The following PLD1 variants were observed in gnomAD, a reference collection of about 807,000 sequenced individuals.
The protein encoded by PLD1 is choline phosphatase 1.
A neutral mutation model predicts 137.1 loss-of-function variants in PLD1; 112 were observed. The observed-to-expected ratio is 0.82, with a 90% CI of 0.70 to 0.96. The LOEUF (loss-of-function observed/expected upper bound fraction) is 0.96, where lower values mean the gene tolerates loss of function less well. PLD1 is among the 40% of genes least tolerant of loss of function. The pLI, the probability that PLD1 is intolerant of heterozygous loss-of-function variation, is 0.00. For missense variants in PLD1, 1,321 were observed against 1,342.0 expected (o/e 0.98, Z 0.24); for synonymous variants, 431 against 454.7 (o/e 0.95, Z 0.66).
chr3:171,807,387 A>C (rs1723893728), intron 1 of PLD1, among the ~76,000 whole-genome samples: 1 of 152,200 alleles, frequency 6.6e-6, no homozygotes, highest in Non-Finnish European at 1.5e-5. Flanking sequence ...CAACACAACC[A>C]TTATCATTAA....
At position 171,686,753 on chromosome 3, in the gene PLD1, A is replaced by G; in HGVS notation, c.1799T>C (p.Leu600Ser). 1 of 1,608,038 alleles carries G rather than the reference A, an allele frequency of 6.2e-7. No individual in the cohort carries two copies. The highest frequency in any genetic ancestry group is 1.3e-5 in the African/African-American group (1 of 74,954). ...GTGAAAGAGTTTGAAGTGGGGTTTT[A>G]AACCATGGATTAAATTGTGATGACT... ...YRSHHNLIHGLKPHFKLFHPS... is the reference protein window; with the variant it reads ...YRSHHNLIHGSKPHFKLFHPS... The change falls in exon 16 of 27, where the codon TTA becomes TCA. Residue 600 changes from leucine (L) to serine (S), a missense_variant. By Grantham distance (145) the Leu-to-Ser change is moderately radical. Coordinates refer to ENST00000351298, the MANE Select transcript of PLD1 (RefSeq NM_002662.5).
chr3:171,666,714 C>A (rs142458773), intron 19 of PLD1, among the ~76,000 whole-genome samples: 41 of 152,304 alleles, frequency 2.7e-4, no homozygotes, highest in African/African-American at 9.6e-4. Flanking sequence ...CCCTCACATG[C>A]AAAAATATAG....
intron 23 of PLD1, among the ~76,000 whole-genome samples, chr3:171,633,350 T>C (rs567573205): frequency 5.3e-4 from 80 of 152,160 alleles, no homozygotes; most frequent in Middle Eastern, 3.4e-3. Flanking sequence ...TGTGAAGAAA[T>C]AGATGAACAA....
At chr3:171,703,172 TTAGAAA>T (rs2108549178) in intron 11 of PLD1, among the ~76,000 whole-genome samples, 1 of 152,168 alleles carries the variant, frequency 6.6e-6, no homozygotes, top group African/African-American at 2.4e-5. Context: ...TCCCAACAAA[TTAGAAA>T]TAGAAAAAAA....
At chr3:171,751,370 T>TACAC (rs75408496) in intron 1 of PLD1, among the ~76,000 whole-genome samples, 1 of 151,560 alleles carries the variant, frequency 6.6e-6, no homozygotes, top group Admixed American at 6.6e-5. Flanking sequence ...ATGGGAAAAT[T>TACAC]ACACACACAC....
chr3:171,707,254 A>G (rs1716767198), intron 11 of PLD1, among the ~76,000 whole-genome samples: 1 of 152,206 alleles, frequency 6.6e-6, no homozygotes, highest in African/African-American at 2.4e-5. Context: ...ACAAATTCCC[A>G]TGCTACAAGT....
At chr3:171,617,025 AT>A (rs1418836894) in intron 24 of PLD1, among the ~76,000 whole-genome samples, 1 of 152,160 alleles carries the variant, frequency 6.6e-6, no homozygotes, top group Non-Finnish European at 1.5e-5. Flanking sequence ...ACATATGAGC[AT>A]TACCTAGGAA....
At position 171,687,577 on chromosome 3, in the gene PLD1, G is replaced by T. The variant is rs749004541; in HGVS notation, c.1547C>A (p.Ala516Glu). The change falls in exon 15 of 27, where the codon GCA becomes GAA. Residue 516 changes from alanine (A) to glutamate (E), a missense_variant. By Grantham distance (107) the Ala-to-Glu change is moderately radical (BLOSUM62 -1). Coordinates refer to ENST00000351298, the MANE Select transcript of PLD1 (RefSeq NM_002662.5). The stretch of plus-strand genomic sequence containing the variant: ...TCTTAAGGATTCCATAGACTCCATT[G>T]CGGCAGGCTGAGAAAAATTTTTTTT... ...GPSLGSLPPA[A>E]MESMESLRLK... 6.2e-7 allele frequency: 1 copy of T among 1,609,022 alleles called. No individual in the cohort carries two copies. Among genetic ancestry groups the T allele is most frequent in the Non-Finnish European group, 8.5e-7 (1 of 1,178,294 alleles).
intron 24 of PLD1, among the ~76,000 whole-genome samples, chr3:171,615,621 A>G (rs920439943): frequency 1.3e-5 from 2 of 152,250 alleles, no homozygotes; most frequent in South Asian, 2.1e-4. Flanking sequence ...TTTAATTTAT[A>G]TAAGTGGAAT....
At chr3:171,622,986 C>T (rs1733765172) in intron 23 of PLD1, among the ~76,000 whole-genome samples, 1 of 151,772 alleles carries the variant, frequency 6.6e-6, no homozygotes, top group South Asian at 2.1e-4. Flanking sequence ...GGTTCACGTG[C>T]AAAACTTTTA....
intron 7 of PLD1, 160 bp downstream of exon 7, chr3:171,725,858 C>G (rs1213878141): frequency 6.5e-6 from 4 of 613,754 alleles, no homozygotes; most frequent in Non-Finnish European, 1.2e-5. Flanking sequence ...AGGAGATGCT[C>G]TGATTTGTAT....
chr3:171,794,661 A>G (rs1723356734), intron 1 of PLD1, among the ~76,000 whole-genome samples: 1 of 143,560 alleles, frequency 7.0e-6, no homozygotes, highest in Admixed American at 7.3e-5. Flanking sequence ...AAAACAAAAA[A>G]CTGAGGAAAT....
At chr3:171,689,364 C>A (rs1292881371) in intron 13 of PLD1, among the ~76,000 whole-genome samples, 1 of 151,958 alleles carries the variant, frequency 6.6e-6, no homozygotes, top group Non-Finnish European at 1.5e-5. Flanking sequence ...TAAAAGGTAC[C>A]TTGAGAAGTT....
Position 171,686,749 on chromosome 3 carries a change from T to C in PLD1, c.1803A>G (p.Lys601=). ...ACGGGTGAAAGAGTTTGAAGTGGGGTTTTAAACCATGGATTAAATTGTGAT... is the reference window on the plus strand; with the variant it reads ...ACGGGTGAAAGAGTTTGAAGTGGGGCTTTAAACCATGGATTAAATTGTGAT... ...RSHHNLIHGL[K]PHFKLFHPSS... The change falls in exon 16 of 27, where the codon AAA becomes AAG. Residue 601 remains lysine (K), a synonymous_variant. Transcript: ENST00000351298. 1 of 1,608,076 alleles carries C rather than the reference T, an allele frequency of 6.2e-7. No homozygotes were observed.
chr3:171,770,888 C>CAAAAAAAAAAAAAA (rs34683994), intron 1 of PLD1, among the ~76,000 whole-genome samples: 3 of 40,876 alleles, frequency 7.3e-5, no homozygotes, highest in African/African-American at 2.4e-4. Flanking sequence ...AACCCTATCT[C>CAAAAAAAAAAAAAA]AAAAAAAAAA....
At chr3:171,678,321 T>C (rs531926303) in intron 16 of PLD1, among the ~76,000 whole-genome samples, 8 of 152,368 alleles carry the variant, frequency 5.3e-5, no homozygotes, top group African/African-American at 1.7e-4. Context: ...TTGGCCTAGA[T>C]AACAGCTAAA....
chr3:171,659,617 C>T (rs927127756), intron 20 of PLD1, among the ~76,000 whole-genome samples: 1 of 152,152 alleles, frequency 6.6e-6, no homozygotes, highest in Non-Finnish European at 1.5e-5. Context: ...CAAATTTAAT[C>T]AATGGGGAAA....
At chr3:171,795,085 C>A (rs1723379043) in intron 1 of PLD1, among the ~76,000 whole-genome samples, 1 of 152,316 alleles carries the variant, frequency 6.6e-6, no homozygotes, top group East Asian at 1.9e-4. Context: ...CTCAATAGCT[C>A]CCTTCATTGG....
At chr3:171,712,278 C>G (rs1056957713) in intron 9 of PLD1, among the ~76,000 whole-genome samples, 1 of 152,128 alleles carries the variant, frequency 6.6e-6, no homozygotes, top group South Asian at 2.1e-4. Context: ...ATCCCCATCG[C>G]GTGTGGTGGA....
Sources: allele counts gnomAD v4.1 joint callset (sites outside exome capture counted in the v4.1 genomes callset), GRCh38; gene constraint gnomAD v4.1.1; transcripts MANE v1.5; gene names NCBI Gene and HGNC (gene_info 2026-07-23, HGNC 2026-07-21).